The following NCK2 variants were observed in gnomAD, a reference collection of about 807,000 sequenced individuals.
NCK2 encodes cytoplasmic protein NCK2.
A neutral mutation model predicts 33.9 loss-of-function variants in NCK2; 16 were observed. That is an observed-to-expected ratio of 0.47 (90% CI 0.32 to 0.72). The LOEUF (loss-of-function observed/expected upper bound fraction) is 0.72, where lower values mean the gene tolerates loss of function less well. NCK2 is among the 30% of genes least tolerant of loss of function. The pLI, the probability that NCK2 is intolerant of heterozygous loss-of-function variation, is 0.03. For missense variants in NCK2, 418 were observed against 537.3 expected, an observed-to-expected ratio of 0.78 and a Z score of 2.19; for synonymous variants, 273 against 239.9, an observed-to-expected ratio of 1.14 and a Z score of -1.27.
chr2:105,786,500 C>G (rs964597200), intron 1 of NCK2, among the ~76,000 whole-genome samples: 4 of 152,230 alleles, frequency 2.6e-5, no homozygotes, highest in East Asian at 3.9e-4. Flanking sequence ...GTCTGCTCCT[C>G]TCTAAGCATG....
Position 105,869,721 on chromosome 2 carries a change from C to T in NCK2, c.227-11607C>T, listed in dbSNP as rs185268777. Among the ~76,000 whole-genome samples the T allele has an allele frequency of 1.0e-3, 158 of 152,228 alleles. 2 individuals are homozygous for T. Among genetic ancestry groups the T allele is most frequent in the African/African-American group, 3.6e-3 (151 of 41,522 alleles). On this transcript the variant is annotated intron_variant, in intron 3 of 4. Transcript: ENST00000233154. ...CCAGAATGCCGTGTCTCATCCTTGC[C>T]GCGTCTTGTACACTCTTTTGCATAT...
intron 4 of NCK2, among the ~76,000 whole-genome samples, chr2:105,891,233 T>C (rs535592555): frequency 1.3e-5 from 2 of 152,310 alleles, no homozygotes; most frequent in East Asian, 3.9e-4. Flanking sequence ...CGGTATCTCA[T>C]GCTCCTCTTT....
At chr2:105,827,415 A>G (rs1382674724) in intron 2 of NCK2, among the ~76,000 whole-genome samples, 1 of 152,232 alleles carries the variant, frequency 6.6e-6, no homozygotes, top group Non-Finnish European at 1.5e-5. Flanking sequence ...GAAGATCTCC[A>G]TACTCTTCTC....
chr2:105,767,643 C>G (rs1217950082), intron 1 of NCK2, among the ~76,000 whole-genome samples: 1 of 152,188 alleles, frequency 6.6e-6, no homozygotes, highest in East Asian at 1.9e-4. Flanking sequence ...GCCCACAAAG[C>G]CTGAAATATC....
intron 1 of NCK2, among the ~76,000 whole-genome samples, chr2:105,767,839 GA>G (rs780615941): frequency 4.4e-4 from 67 of 152,142 alleles, no homozygotes; most frequent in Admixed American, 7.2e-4. Flanking sequence ...GAAATTGTGG[GA>G]CATACTGGGT....
At chr2:105,772,380 A>G (rs543964465) in intron 1 of NCK2, among the ~76,000 whole-genome samples, 12 of 152,214 alleles carry the variant, frequency 7.9e-5, no homozygotes, top group African/African-American at 2.9e-4. Flanking sequence ...GAACCTAGAA[A>G]AAGGAAAATG....
chr2:105,766,112 G>A (rs1483889642), intron 1 of NCK2, among the ~76,000 whole-genome samples: 1 of 152,082 alleles, frequency 6.6e-6, no homozygotes, highest in Non-Finnish European at 1.5e-5. Context: ...CCCTTCAAGA[G>A]TGTTAAAGGA....
chr2:105,829,210 C>T (rs561994086), intron 2 of NCK2, among the ~76,000 whole-genome samples: 2 of 152,114 alleles, frequency 1.3e-5, no homozygotes, highest in African/African-American at 2.4e-5. Context: ...AATAATAAGA[C>T]AAATGCCTGT....
intron 1 of NCK2, among the ~76,000 whole-genome samples, chr2:105,747,036 C>A (rs1052857082): frequency 2.0e-5 from 3 of 152,162 alleles, no homozygotes; most frequent in African/African-American, 4.8e-5. Context: ...TGCTGCATAA[C>A]CCCCTCTGTC....
chr2:105,837,979 A>T (rs1367859829), intron 2 of NCK2, among the ~76,000 whole-genome samples: 1 of 152,186 alleles, frequency 6.6e-6, no homozygotes, highest in Non-Finnish European at 1.5e-5. Flanking sequence ...CTGTACGATT[A>T]TATGTGCTGT....
chr2:105,804,672 T>C (rs1414644553), intron 1 of NCK2, among the ~76,000 whole-genome samples: 1 of 152,232 alleles, frequency 6.6e-6, no homozygotes, highest in Admixed American at 6.5e-5. Flanking sequence ...TCCCTCTTCA[T>C]TGACTGCTTG....
At chr2:105,795,948 A>G (rs1175101509) in intron 1 of NCK2, among the ~76,000 whole-genome samples, 1 of 152,232 alleles carries the variant, frequency 6.6e-6, no homozygotes, top group African/African-American at 2.4e-5. Context: ...AATGAAACAC[A>G]TCAACGATAT....
At position 105,881,676 on chromosome 2, in the gene NCK2, A is replaced by G. The variant is rs771183263; in HGVS notation, c.575A>G (p.Gln192Arg). The change falls in exon 4 of 5, where the codon CAG becomes CGG. Residue 192 changes from glutamine (Q) to arginine (R), a missense_variant. Coordinates refer to ENST00000233154, the MANE Select transcript of NCK2 (RefSeq NM_003581.5). ...LRKGASLSNG[Q>R]GSRVLHVVQT... The stretch of plus-strand genomic sequence containing the variant: ...AAGGGCGCCTCGCTGAGCAATGGCC[A>G]GGGCTCCCGCGTGCTGCATGTGGTC... 12 of 1,613,584 alleles carry G rather than the reference A, an allele frequency of 7.4e-6. No individual in the cohort carries two copies. The highest frequency in any genetic ancestry group is 6.8e-6 in the Non-Finnish European group (8 of 1,179,748).
chr2:105,854,876 A>G (rs2104582782), intron 2 of NCK2, 172 bp from the exon 3 acceptor site: 3 of 571,498 alleles, frequency 5.2e-6, no homozygotes, highest in South Asian at 2.3e-5. Flanking sequence ...TAAACCAAAT[A>G]CTAAAGCTTG....
intron 3 of NCK2, among the ~76,000 whole-genome samples, chr2:105,870,655 G>A (rs779428772): frequency 2.0e-4 from 31 of 152,180 alleles, no homozygotes; most frequent in Admixed American, 3.3e-4. Context: ...CTTGGGAGAC[G>A]GAGGCACAAG....
At chr2:105,773,233 A>G (rs1384287204) in intron 1 of NCK2, among the ~76,000 whole-genome samples, 2 of 151,882 alleles carry the variant, frequency 1.3e-5, no homozygotes, top group African/African-American at 4.8e-5. Flanking sequence ...AGTGCCAAGG[A>G]TATTTTTCTT....
rs11124057 is a variant in NCK2, at chr2:105,783,461, G to A, written c.-200-32969G>A. Among the ~76,000 whole-genome samples the A allele has an allele frequency of 5.4e-3, 829 of 152,248 alleles. 19 individuals carry two copies. In the East Asian group the frequency reaches 0.091, roughly 17 times the overall value. ...TAGAGTAAAAACAGCTCGATGCAGC[G>A]TTGCCTGTCTGAGCCAGACTTAGCT... On this transcript the variant is annotated intron_variant, in intron 1 of 4. Transcript: ENST00000233154.
At position 105,780,845 on chromosome 2, in the gene NCK2, C is replaced by T. The variant is rs190451923; in HGVS notation, c.-200-35585C>T. Among the ~76,000 whole-genome samples, 523 of 152,352 alleles carry T rather than the reference C, an allele frequency of 3.4e-3. 3 individuals are homozygous for T. The highest frequency in any genetic ancestry group is 0.012 in the African/African-American group (492 of 41,582). On this transcript the variant is annotated intron_variant, in intron 1 of 4. Transcript: ENST00000233154. ...CCAGGAAGGAGGCCCTTACCAGACA[C>T]TGAATTTCCTGGTACTTTGATCTTG... is the stretch of plus-strand genomic sequence containing the variant.
At chr2:105,855,518 G>T (rs1336664353) in intron 3 of NCK2, 1 of 459,224 alleles carries the variant, frequency 2.2e-6, no homozygotes, top group South Asian at 2.8e-5. Context: ...GAGACACTTT[G>T]TGTGCTTGGG....
Sources: gnomAD v4.1 joint callset for allele counts (sites outside exome capture counted in the v4.1 genomes callset) on GRCh38, gnomAD v4.1.1 for gene constraint, MANE v1.5 for transcripts, NCBI Gene and HGNC (gene_info 2026-07-23, HGNC 2026-07-21) for gene names.